RASSF8: variants seen among roughly 807,000 people sequenced by gnomAD.
RASSF8 encodes ras association domain-containing protein 8.
RASSF8 carries 22 observed loss-of-function variants against 48.5 expected under a neutral mutation model. The observed-to-expected ratio is 0.45, with a 90% CI of 0.32 to 0.65. The LOEUF (loss-of-function observed/expected upper bound fraction) is 0.65. Among genes scored for constraint, RASSF8 ranks in the 30% least tolerant of loss-of-function variants. The probability of loss-of-function intolerance (pLI) is 0.03; values close to 1 mark genes in which losing one functional copy is unlikely to be tolerated. For missense variants in RASSF8, 418 were observed against 489.2 expected (o/e 0.85, Z 1.37); for synonymous variants, 127 against 171.5 (o/e 0.74, Z 2.03).
intron 1 of RASSF8, among the ~76,000 whole-genome samples, chr12:25,976,677 C>T (rs2136887174): frequency 6.6e-6 from 1 of 152,270 alleles, no homozygotes; most frequent in Middle Eastern, 3.4e-3. Flanking sequence ...CTTTCGTTTT[C>T]AGTAAATCCC....
chr12:25,969,713 G>C (rs1342563210), intron 1 of RASSF8, among the ~76,000 whole-genome samples: 1 of 152,058 alleles, frequency 6.6e-6, no homozygotes, highest in Non-Finnish European at 1.5e-5. Context: ...TTGCTGCCTT[G>C]TCTGCTCCCT....
At chr12:26,021,201 A>T (rs546190812) in intron 2 of RASSF8, among the ~76,000 whole-genome samples, 8 of 152,318 alleles carry the variant, frequency 5.3e-5, no homozygotes, top group Non-Finnish European at 1.0e-4. Flanking sequence ...AAAATAATAA[A>T]ATTACTGGAA....
chr12:25,964,064 C>T (rs1287101261), intron 1 of RASSF8, among the ~76,000 whole-genome samples: 2 of 152,074 alleles, frequency 1.3e-5, no homozygotes, highest in Non-Finnish European at 2.9e-5. Flanking sequence ...TCGTGTAGGC[C>T]CTCTGTGCCT....
intron 1 of RASSF8, among the ~76,000 whole-genome samples, chr12:25,979,170 G>A (rs1181565390): frequency 6.6e-6 from 1 of 152,092 alleles, no homozygotes; most frequent in Non-Finnish European, 1.5e-5. Flanking sequence ...AAGACAGATT[G>A]GACACGTTGG....
chr12:26,028,831 A>G (rs17362453), intron 2 of RASSF8, among the ~76,000 whole-genome samples: 14,852 of 152,256 alleles, frequency 0.098, 768 homozygotes, highest in Middle Eastern at 0.15. Flanking sequence ...TGTACAAGGC[A>G]CTAGGATAGA....
intron 2 of RASSF8, among the ~76,000 whole-genome samples, chr12:25,999,785 G>C (rs572424576): frequency 3.5e-4 from 54 of 152,160 alleles, no homozygotes; most frequent in Non-Finnish European, 7.3e-4. Flanking sequence ...TAAATATCAT[G>C]ATCTTTTGTG....
In RASSF8 at chr12:26,054,560, C is replaced by T. The variant is rs570239626; in HGVS notation, c.-108-676C>T. Among the ~76,000 whole-genome samples the T allele has an allele frequency of 3.6e-3, 554 of 152,202 alleles. 2 individuals carry two copies. Among genetic ancestry groups the T allele is most frequent in the African/African-American group, 0.013 (520 of 41,494 alleles). On this transcript the variant is annotated intron_variant, in intron 2 of 5. Coordinates refer to ENST00000689635, the MANE Select transcript of RASSF8 (RefSeq NM_001394098.1). ...TTTCCTTTGACTAAGATTTTTTACCCACCTGCCCTCATGCTGTGCCTGGTG... is the reference window on the plus strand; with the variant it reads ...TTTCCTTTGACTAAGATTTTTTACCTACCTGCCCTCATGCTGTGCCTGGTG...
chr12:25,990,197 T>G (rs12227480), intron 1 of RASSF8, among the ~76,000 whole-genome samples: 55,672 of 151,998 alleles, frequency 0.37, 11,249 homozygotes, highest in Non-Finnish European at 0.46. Context: ...GTAAAAAAAA[T>G]TACAGCCATA....
intron 2 of RASSF8, among the ~76,000 whole-genome samples, chr12:26,000,807 T>A (rs759067324): frequency 1.4e-4 from 22 of 152,038 alleles, no homozygotes; most frequent in Non-Finnish European, 2.8e-4. Context: ...TATAAAAGAT[T>A]TAAAAGTGGT....
At chr12:26,035,513 TATA>T (rs1225424932) in intron 2 of RASSF8, among the ~76,000 whole-genome samples, 2 of 143,220 alleles carry the variant, frequency 1.4e-5, no homozygotes, top group Admixed American at 7.2e-5. Context: ...AATTATATAA[TATA>T]ATTATATGAA....
chr12:26,072,557 A>G lies in RASSF8; in HGVS notation c.*3739A>G. 1.0e-6 allele frequency: 1 copy of G among 985,096 alleles called. No homozygotes were observed. The highest frequency in any genetic ancestry group is 4.7e-5 in the South Asian group (1 of 21,278). 61.0% of individuals were successfully genotyped at this position (985,096 alleles called of 1,614,324 possible). Reference sequence around the variant, plus strand: ...GGGGGGAGGGGAAAGATTAAAAAATAGATTTACAGCCAGACATGGTGATAG... The same window carrying G: ...GGGGGGAGGGGAAAGATTAAAAAATGGATTTACAGCCAGACATGGTGATAG... On this transcript the variant is annotated 3_prime_UTR_variant, in exon 6 of 6. Coordinates refer to ENST00000689635, the MANE Select transcript of RASSF8 (RefSeq NM_001394098.1).
intron 2 of RASSF8, among the ~76,000 whole-genome samples, chr12:26,008,157 C>A (rs186728132): frequency 1.3e-5 from 2 of 152,146 alleles, no homozygotes; most frequent in Admixed American, 1.3e-4. Flanking sequence ...CCTGTAGTCC[C>A]AGCTACTCTG....
chr12:26,009,616 T>C (rs986980624), intron 2 of RASSF8, among the ~76,000 whole-genome samples: 17 of 152,074 alleles, frequency 1.1e-4, no homozygotes, highest in African/African-American at 4.1e-4. Context: ...TACTCAAATA[T>C]TAAAAATTCC....
At chr12:25,977,457 C>T (rs61914211) in intron 1 of RASSF8, among the ~76,000 whole-genome samples, 16,862 of 152,128 alleles carry the variant, frequency 0.11, 1,072 homozygotes, top group African/African-American at 0.18. Context: ...CCTACTAAGT[C>T]TCTTTCATTT....
intron 2 of RASSF8, among the ~76,000 whole-genome samples, chr12:26,002,726 G>A (rs948372802): frequency 1.3e-5 from 2 of 152,202 alleles, no homozygotes; most frequent in African/African-American, 4.8e-5. Context: ...AGTGAGCAGA[G>A]ATCATGCTTG....
chr12:26,066,790 C>T (rs1943885177), intron 4 of RASSF8, among the ~76,000 whole-genome samples: 2 of 152,188 alleles, frequency 1.3e-5, no homozygotes, highest in African/African-American at 2.4e-5. Flanking sequence ...TTGGGACCCA[C>T]CCAGCCTGGG....
Position 26,055,858 on chromosome 12 carries a change from C to T in RASSF8, c.103+412C>T, listed in dbSNP as rs138734305. Reference sequence around the variant, plus strand: ...GAAAATACAACAAATGAAATAACATCGTTCTTCACTGGAAAGATAATGTAT... The same window carrying T: ...GAAAATACAACAAATGAAATAACATTGTTCTTCACTGGAAAGATAATGTAT... On this transcript the variant is annotated intron_variant, in intron 3 of 5. Coordinates refer to ENST00000689635, the MANE Select transcript of RASSF8 (RefSeq NM_001394098.1). Among the ~76,000 whole-genome samples the T allele has an allele frequency of 4.7e-3, 711 of 152,262 alleles. 6 individuals are homozygous for T. Among genetic ancestry groups the T allele is most frequent in the African/African-American group, 0.016 (670 of 41,556 alleles).
rs779423790 is a variant in RASSF8 at position 26,065,037 on chromosome 12, A to G, written c.643A>G (p.Arg215Gly). The G allele has an allele frequency of 3.7e-6, 6 of 1,613,620 alleles. No individual in the cohort carries two copies. The Admixed American group carries it at 8.3e-5, about 22-fold the overall frequency. The part of the protein sequence containing the change: ...EIVRLEQKIK[R>G]NDVEIEEEEF... ...TGTCCGTCTAGAGCAAAAGATCAAA[A>G]GAAACGATGTAGAAATTGAGGAGGA... The change falls in exon 4 of 6, where the codon AGA (arginine) becomes GGA (glycine). Residue 215 changes from arginine (R) to glycine (G), a missense_variant. Transcript: ENST00000689635.
intron 2 of RASSF8, chr12:26,020,528 T>C (rs1444710495): frequency 6.6e-6 from 1 of 152,254 alleles, no homozygotes; most frequent in Non-Finnish European, 1.5e-5. Flanking sequence ...TTGAAACTTT[T>C]TTTTTAAAAG....
Sources: gnomAD v4.1 joint callset for allele counts (sites outside exome capture counted in the v4.1 genomes callset) on GRCh38, gnomAD v4.1.1 for gene constraint, MANE v1.5 for transcripts, NCBI Gene and HGNC (gene_info 2026-07-23, HGNC 2026-07-21) for gene names.